The following FYB1 variants were observed in gnomAD, a reference collection of about 807,000 sequenced individuals.
The protein encoded by FYB1 is FYN-binding protein 1.
Under a neutral mutation model 94.1 loss-of-function variants are expected in FYB1, and 41 were observed. That is an observed-to-expected ratio of 0.44 (90% CI 0.34 to 0.57). The LOEUF (loss-of-function observed/expected upper bound fraction) is 0.57. Among genes scored for constraint, FYB1 ranks in the 20% least tolerant of loss-of-function variants. The pLI is 0.02. For synonymous variants in FYB1, 367 were observed against 353.2 expected (o/e 1.04, Z -0.44); for missense variants, 1,050 against 976.8 (o/e 1.07, Z -1.00).
At chr5:39,240,556 A>T (rs1751159224) in intron 1 of FYB1, among the ~76,000 whole-genome samples, 1 of 112,458 alleles carries the variant, frequency 8.9e-6, no homozygotes, top group Non-Finnish European at 1.5e-5. Flanking sequence ...GCAGCCAACA[A>T]AGCATATGAA....
At chr5:39,122,775 A>G (rs1337624417) in intron 13 of FYB1, among the ~76,000 whole-genome samples, 2 of 152,136 alleles carry the variant, frequency 1.3e-5, no homozygotes, top group Non-Finnish European at 2.9e-5. Flanking sequence ...AGAGACAGAA[A>G]TTGAGATTCT....
At chr5:39,179,681 G>A (rs1579577862) in intron 2 of FYB1, among the ~76,000 whole-genome samples, 1 of 151,530 alleles carries the variant, frequency 6.6e-6, no homozygotes, top group South Asian at 2.1e-4. Flanking sequence ...AAGTACCAAT[G>A]TCTACCAGGC....
upstream of FYB1, among the ~76,000 whole-genome samples, chr5:39,224,358 G>C (rs944109731): frequency 2.0e-5 from 3 of 152,124 alleles, no homozygotes; most frequent in Admixed American, 1.3e-4. Context: ...GAAAACAGAT[G>C]GGGGAGGGCT....
chr5:39,165,061 G>A (rs1391938442), intron 2 of FYB1, among the ~76,000 whole-genome samples: 5 of 152,324 alleles, frequency 3.3e-5, no homozygotes, highest in African/African-American at 1.2e-4. Flanking sequence ...TGTGACAAGA[G>A]AAGGTACTCA....
chr5:39,138,059 C>T (rs1741821544), intron 6 of FYB1: 1 of 290,162 alleles, frequency 3.4e-6, no homozygotes, highest in South Asian at 3.7e-5. Context: ...CCTGTGCATT[C>T]ACAGGTACAC....
chr5:39,137,764 T>C, intron 6 of FYB1, 44 bp from the exon 7 acceptor site: 1 of 1,548,748 alleles, frequency 6.5e-7, no homozygotes, highest in South Asian at 1.2e-5. Context: ...CTGCAGGTGT[T>C]GATGCGTCGG....
intron 1 of FYB1, among the ~76,000 whole-genome samples, chr5:39,215,854 A>G (rs1472198234): frequency 6.6e-6 from 1 of 152,098 alleles, no homozygotes; most frequent in Non-Finnish European, 1.5e-5. Flanking sequence ...TTATTTGGAA[A>G]AAAGGTCTTT....
chr5:39,226,985 A>T lies in FYB1; in HGVS notation c.-27-23998T>A, dbSNP rs78213090. Among the ~76,000 whole-genome samples the T allele has an allele frequency of 6.5e-3, 992 of 152,304 alleles. 15 individuals are homozygous for T. Among genetic ancestry groups the T allele is most frequent in the African/African-American group, 0.023 (941 of 41,558 alleles). On this transcript the variant is annotated intron_variant, in intron 1 of 1. Transcript: ENST00000510188. ...GAGGCAAAAGCTATATTGACTACAC[A>T]TTTGTCTGTGGGACTTTTGATAGGC...
chr5:39,174,244 C>T (rs1394320611), intron 2 of FYB1, among the ~76,000 whole-genome samples: 1 of 152,166 alleles, frequency 6.6e-6, no homozygotes, highest in African/African-American at 2.4e-5. Context: ...ATTTGGTTCT[C>T]TGCTAGAATG....
intron 14 of FYB1, among the ~76,000 whole-genome samples, 197 bp downstream of exon 14, chr5:39,122,139 G>A (rs1740177485): frequency 6.6e-6 from 1 of 152,080 alleles, no homozygotes; most frequent in Non-Finnish European, 1.5e-5. Flanking sequence ...TGGGGGCAAA[G>A]GATTTGGGCT....
At chr5:39,260,145 T>C (rs1752152334) in intron 1 of FYB1, among the ~76,000 whole-genome samples, 2 of 152,144 alleles carry the variant, frequency 1.3e-5, no homozygotes, top group Admixed American at 6.6e-5. Flanking sequence ...ACAAAAAGCA[T>C]AGGAAGGAGG....
intron 1 of FYB1, among the ~76,000 whole-genome samples, chr5:39,219,076 AC>A (rs1194270908): frequency 2.6e-5 from 4 of 152,320 alleles, no homozygotes; most frequent in Non-Finnish European, 5.9e-5. Context: ...GATGAAATAA[AC>A]CATCTGTGCC....
At position 39,107,454 on chromosome 5, in the gene FYB1, C is replaced by A; in HGVS notation, c.2479G>T (p.Asp827Tyr). The change falls in exon 19 of 19, where the codon GAC (aspartate) becomes TAC (tyrosine). Residue 827 changes from aspartate (D) to tyrosine (Y), a missense_variant. Physicochemically the swap from Asp to Tyr is radical, Grantham distance 160. Transcript: ENST00000512982. Reference sequence around the variant, plus strand: ...ACCAAAGTTGAGTGCTAGTCATTGTCATAGATGCAGCCTGAAAGGAAAAAA... The same window carrying A: ...ACCAAAGTTGAGTGCTAGTCATTGTAATAGATGCAGCCTGAAAGGAAAAAA... ...YDDIADGCIY[D>Y]ND is the part of the protein sequence containing the mutation. 6.6e-7 allele frequency: 1 copy of A among 1,524,576 alleles called. No homozygotes were observed. Among genetic ancestry groups the A allele is most frequent in the South Asian group, 1.3e-5 (1 of 77,538 alleles). 94.4% of individuals were successfully genotyped at this position (1,524,576 alleles called of 1,614,324 possible).
chr5:39,202,117 T>C lies in FYB1; in HGVS notation c.844A>G (p.Lys282Glu), dbSNP rs764710405. The C allele has an allele frequency of 3.7e-6, 6 of 1,614,022 alleles. No homozygotes were observed. Among genetic ancestry groups the C allele is most frequent in the East Asian group, 2.2e-5 (1 of 44,882 alleles). The change falls in exon 2 of 19, where the codon AAA becomes GAA. Residue 282 changes from lysine (K) to glutamate (E), a missense_variant. Transcript: ENST00000512982. ...GCATCTATCTTCCTATCTTCCTTTT[T>C]TTCTTCACCATTTTTGGAGAGACCT... Reference protein sequence around the residue: ...GPGLSKNGEEKKEDRKIDAAK... With the variant: ...GPGLSKNGEEEKEDRKIDAAK...
intron 1 of FYB1, among the ~76,000 whole-genome samples, chr5:39,207,002 C>G (rs971783961): frequency 2.6e-5 from 4 of 152,198 alleles, no homozygotes; most frequent in Non-Finnish European, 5.9e-5. Context: ...TCAATATTAA[C>G]CCTACTTTTT....
intron 2 of FYB1, among the ~76,000 whole-genome samples, chr5:39,162,545 C>T (rs564029800): frequency 1.1e-4 from 17 of 152,074 alleles, no homozygotes; most frequent in African/African-American, 3.6e-4. Context: ...ATTAGCCAGG[C>T]GTGGTGGCGC....
intron 1 of FYB1, among the ~76,000 whole-genome samples, chr5:39,236,814 A>G (rs1186466851): frequency 6.6e-6 from 1 of 152,118 alleles, no homozygotes; most frequent in Non-Finnish European, 1.5e-5. Flanking sequence ...CCTTGGCCAA[A>G]TTGCTTGACC....
At chr5:39,271,013 G>A (rs700199) in intron 1 of FYB1, among the ~76,000 whole-genome samples, 2,664 of 151,550 alleles carry the variant, frequency 0.018, 95 homozygotes, top group African/African-American at 0.062. Flanking sequence ...GACTTGAGTG[G>A]ATATATTATT....
intron 2 of FYB1, among the ~76,000 whole-genome samples, chr5:39,173,824 C>G (rs919859295): frequency 3.3e-5 from 5 of 152,162 alleles, no homozygotes; most frequent in South Asian, 2.1e-4. Flanking sequence ...GTACCAGTAT[C>G]ATGCTCTTTG....
Sources: gnomAD v4.1 joint callset for allele counts (sites outside exome capture counted in the v4.1 genomes callset) on GRCh38, gnomAD v4.1.1 for gene constraint, MANE v1.5 for transcripts, NCBI Gene and HGNC (gene_info 2026-07-23, HGNC 2026-07-21) for gene names.